PCDHGA6: variants seen among roughly 807,000 people sequenced by gnomAD.
PCDHGA6 encodes protocadherin gamma subfamily A, 6, also known as protocadherin gamma-A6.
In PCDHGA6, 41 loss-of-function variants were observed where a neutral mutation model predicts 60.6. That is an observed-to-expected ratio of 0.68 (90% confidence interval 0.53 to 0.88). The LOEUF is 0.88. Ranked by LOEUF, PCDHGA6 falls within the 40% of genes least tolerant of loss-of-function variation. PCDHGA6 has a pLI of 0.00. For missense variants in PCDHGA6, 1,312 were observed against 1,203.0 expected, an observed-to-expected ratio of 1.09 and a Z score of -1.34; for synonymous variants, 594 against 524.4, an observed-to-expected ratio of 1.13 and a Z score of -1.81.
intron 1 of PCDHGA6, chr5:141,394,336 A>G (rs1205005872): frequency 1.9e-6 from 3 of 1,613,704 alleles, no homozygotes; most frequent in Non-Finnish European, 1.7e-6. Context: ...ATCTCCATCA[A>G]CTCTGACACC....
In PCDHGA6 at chr5:141,404,546, G is replaced by A. The variant is rs753308273; in HGVS notation, c.2424+28039G>A. 11 of 1,613,800 alleles carry A rather than the reference G, an allele frequency of 6.8e-6. No individual in the cohort carries two copies. In the East Asian group the frequency reaches 2.2e-4, roughly 33 times the overall value. ...GCAGTTTAGAGATTTGCAAATGCAGGTGACGGCAAGTGACAGTGGAAGCCC... is the reference window on the plus strand; with the variant it reads ...GCAGTTTAGAGATTTGCAAATGCAGATGACGGCAAGTGACAGTGGAAGCCC... On this transcript the variant is annotated intron_variant, in intron 1 of 3. Transcript: ENST00000517434.
intron 1 of PCDHGA6, chr5:141,428,456 A>G (rs538022786): frequency 1.4e-5 from 5 of 358,650 alleles, no homozygotes; most frequent in South Asian, 1.1e-4. Context: ...TTTCCCAACT[A>G]CAATGAGGGA....
At position 141,494,693 on chromosome 5, in the gene PCDHGA6, G is replaced by A. The variant is rs2099756182; in HGVS notation, c.2425-114G>A. The A allele has an allele frequency of 5.0e-6, 8 of 1,585,786 alleles. No individual in the cohort carries two copies. In the South Asian group the frequency reaches 6.8e-5, roughly 13 times the overall value. ...GTCCACCCCTGCCCCCTCTTAGTCC[G>A]TTTTCTTCTCTGTGCCCACTCCCCT... is the stretch of plus-strand genomic sequence containing the variant. On this transcript the variant is annotated intron_variant, in intron 1 of 3. Transcript: ENST00000517434.
intron 1 of PCDHGA6, among the ~76,000 whole-genome samples, chr5:141,425,068 A>G (rs1484760901): frequency 6.6e-6 from 1 of 152,174 alleles, no homozygotes; most frequent in African/African-American, 2.4e-5. Context: ...GGACAAAAAT[A>G]ATTTCAACTG....
In PCDHGA6 at chr5:141,491,762, C is replaced by T. The variant is rs1162878124; in HGVS notation, c.2425-3045C>T. The T allele has an allele frequency of 6.4e-7, 1 of 1,572,596 alleles. No homozygotes were observed. The highest frequency in any genetic ancestry group is 1.4e-5 in the African/African-American group (1 of 73,308). ...GGCGGCACTGGAGAAGCCGCCCGTC[C>T]TCATAAGGGATTGAACTTGCATCCA... On this transcript the variant is annotated intron_variant, in intron 1 of 3. Transcript: ENST00000517434. The surrounding 1 kb of genome is among the most constrained non-coding windows in gnomAD (Gnocchi z 6.9).
At chr5:141,434,683 T>A (rs1057301534) in intron 1 of PCDHGA6, among the ~76,000 whole-genome samples, 8 of 152,248 alleles carry the variant, frequency 5.3e-5, no homozygotes, top group Non-Finnish European at 5.9e-5. Flanking sequence ...AATGACTGGC[T>A]TGCTGTTAAT....
rs551414580 is a variant in PCDHGA6, at chr5:141,493,693, C to T, written c.2425-1114C>T. ...GCCCCAGAATGGTGCTGGTGACTCC[C>T]GATACACCTGGAATGCTAGGTTTCT... On this transcript the variant is annotated intron_variant, in intron 1 of 3. Coordinates refer to ENST00000517434, the MANE Select transcript of PCDHGA6 (RefSeq NM_018919.3). This position sits in a 1 kb window ranked among gnomAD's most constrained non-coding sequence, Gnocchi z 4.3. 5.3e-5 allele frequency among the ~76,000 whole-genome samples: 8 copies of T among 152,168 alleles called. No individual in the cohort carries two copies. Among genetic ancestry groups the T allele is most frequent in the Non-Finnish European group, 1.0e-4 (7 of 68,032 alleles).
At chr5:141,402,816 C>A (rs1009078444) in intron 1 of PCDHGA6, 4 of 1,261,760 alleles carry the variant, frequency 3.2e-6, no homozygotes, top group South Asian at 3.4e-5. Flanking sequence ...ATACCACAAA[C>A]CTGCTCCCAG....
intron 1 of PCDHGA6, chr5:141,392,972 G>T: frequency 6.2e-7 from 1 of 1,613,920 alleles, no homozygotes. Context: ...AGGACCTGGG[G>T]CTGGACCCCC....
chr5:141,482,593 G>A (rs1314658005), intron 1 of PCDHGA6, among the ~76,000 whole-genome samples: 4 of 149,900 alleles, frequency 2.7e-5, no homozygotes, highest in Non-Finnish European at 5.9e-5. Flanking sequence ...GGGACCAAAC[G>A]GGAAAAAACA....
At chr5:141,504,594 C>T (rs2099839378) in intron 2 of PCDHGA6, among the ~76,000 whole-genome samples, 2 of 140,288 alleles carry the variant, frequency 1.4e-5, no homozygotes, top group South Asian at 4.4e-4. Context: ...GGATTCACAG[C>T]AAGAGGGAAC....
intron 1 of PCDHGA6, among the ~76,000 whole-genome samples, chr5:141,473,329 G>A (rs2099319416): frequency 6.6e-6 from 1 of 152,212 alleles, no homozygotes; most frequent in Non-Finnish European, 1.5e-5. Context: ...TTAAGTGCCT[G>A]CTGTGCTAGA....
chr5:141,398,145 G>A, intron 1 of PCDHGA6: 2 of 1,520,796 alleles, frequency 1.3e-6, no homozygotes, highest in Admixed American at 4.8e-5. Context: ...GCGGCGCCGG[G>A]GAGCTGGGCC....
At chr5:141,398,864 T>A (rs1399067876) in intron 1 of PCDHGA6, 1 of 1,613,768 alleles carries the variant, frequency 6.2e-7, no homozygotes, top group Non-Finnish European at 8.5e-7. Context: ...AACCGAGACG[T>A]GTACAGAGTC....
chr5:141,512,395 C>T lies in PCDHGA6; in HGVS notation c.*1222C>T, dbSNP rs1229077213. ...ACCAAATGAACAGAAAGTCTCAGCCCAGGATGGGGCTTCTTCAACAGGGCC... is the reference window on the plus strand; with the variant it reads ...ACCAAATGAACAGAAAGTCTCAGCCTAGGATGGGGCTTCTTCAACAGGGCC... On this transcript the variant is annotated 3_prime_UTR_variant, in exon 4 of 4. Coordinates refer to ENST00000517434, the MANE Select transcript of PCDHGA6 (RefSeq NM_018919.3). 1 of 152,690 alleles carries T rather than the reference C, an allele frequency of 6.5e-6. No individual in the cohort carries two copies. Among genetic ancestry groups the T allele is most frequent in the Non-Finnish European group, 1.5e-5 (1 of 68,072 alleles). The allele number at this position is 152,690 out of a possible 1,614,324, so 9.5% of individuals were successfully genotyped here.
chr5:141,458,340 G>C (rs4551132), intron 1 of PCDHGA6, among the ~76,000 whole-genome samples: 42,372 of 151,882 alleles, frequency 0.28, 6,646 homozygotes, highest in African/African-American at 0.43. Context: ...TTTAAGGAGT[G>C]GAGAGTTTAA....
intron 1 of PCDHGA6, chr5:141,478,597 C>T: frequency 6.4e-7 from 1 of 1,567,010 alleles, no homozygotes; most frequent in Non-Finnish European, 8.7e-7. Flanking sequence ...TTTATTCCTA[C>T]ATCATATTGA....
At chr5:141,380,349 GT>G (rs1776403876) in intron 1 of PCDHGA6, among the ~76,000 whole-genome samples, 1 of 152,006 alleles carries the variant, frequency 6.6e-6, no homozygotes, top group South Asian at 2.1e-4. Flanking sequence ...CTGTTTTGTT[GT>G]TTGTTTTTTA....
Position 141,487,367 on chromosome 5 carries a change from G to A in PCDHGA6, c.2425-7440G>A. 1 of 1,614,204 alleles carries A rather than the reference G, an allele frequency of 6.2e-7. No individual in the cohort carries two copies. The highest frequency in any genetic ancestry group is 8.5e-7 in the Non-Finnish European group (1 of 1,180,030). ...CACATGCTTTCCTGCTGGCACCTGT[G>A]CCTGTCTCACCAGATCTCGAAGGAG... On this transcript the variant is annotated intron_variant, in intron 1 of 3. Coordinates refer to ENST00000517434, the MANE Select transcript of PCDHGA6 (RefSeq NM_018919.3). This position sits in a 1 kb window ranked among gnomAD's most constrained non-coding sequence, Gnocchi z 5.0.
Sources: gnomAD v4.1 joint callset for allele counts (sites outside exome capture counted in the v4.1 genomes callset) on GRCh38, gnomAD v4.1.1 for gene constraint, Gnocchi (gnomAD v3.1) non-coding constraint, MANE v1.5 for transcripts, NCBI Gene and HGNC (gene_info 2026-07-23, HGNC 2026-07-21) for gene names.